SPAG16: variants seen among roughly 807,000 people sequenced by gnomAD.
SPAG16 encodes the protein sperm-associated antigen 16 protein.
A neutral mutation model predicts 80.4 loss-of-function variants in SPAG16; 86 were observed. That is an observed-to-expected ratio of 1.07 (90% CI 0.90 to 1.28). The LOEUF (loss-of-function observed/expected upper bound fraction) is 1.28, where lower values mean the gene tolerates loss of function less well. SPAG16 is among the 50% of genes most tolerant of loss of function. The probability of loss-of-function intolerance (pLI) is 0.00; values close to 1 mark genes in which losing one functional copy is unlikely to be tolerated. For missense variants in SPAG16, 870 were observed against 765.3 expected (o/e 1.14, Z -1.61); for synonymous variants, 294 against 265.9 (o/e 1.11, Z -1.03).
intron 5 of SPAG16, among the ~76,000 whole-genome samples, chr2:213,325,146 A>G (rs1382024396): frequency 6.6e-6 from 1 of 152,062 alleles, no homozygotes; most frequent in Non-Finnish European, 1.5e-5. Context: ...CTTTGTTAGA[A>G]TATTGTGAAT....
intron 7 of SPAG16, among the ~76,000 whole-genome samples, chr2:213,361,475 C>A (rs1377481711): frequency 6.7e-6 from 1 of 150,200 alleles, no homozygotes; most frequent in Non-Finnish European, 1.5e-5. Flanking sequence ...GACACTCCAC[C>A]AGTAATGAAC....
rs2055482910 is a variant in SPAG16 at position 214,143,583 on chromosome 2, C to T, written c.1594-5557C>T. Among the ~76,000 whole-genome samples, 4 of 151,974 alleles carry T rather than the reference C, an allele frequency of 2.6e-5. No homozygotes were observed. In the South Asian group the frequency reaches 8.3e-4, roughly 32 times the overall value. ...CTTATGATCACAAAAACATTTTTTT[C>T]TGAGTTTTAGCTCATTTAAATTTCT... On this transcript the variant is annotated intron_variant, in intron 14 of 15. Transcript: ENST00000331683.
chr2:213,674,544 C>T lies in SPAG16; in HGVS notation c.1070+184454C>T, dbSNP rs947139703. Among the ~76,000 whole-genome samples the T allele has an allele frequency of 4.7e-5, 7 of 149,582 alleles. 1 individual carries two copies. The highest frequency in any genetic ancestry group is 3.3e-4 in the Admixed American group (5 of 15,186). On this transcript the variant is annotated intron_variant, in intron 10 of 15. Transcript: ENST00000331683. ...TGCTATCCCTCCCCCTTTCCCCCAC[C>T]CCACAACAGTCCCCAGAGTGTGATG...
chr2:213,607,720 T>A (rs949446759), intron 10 of SPAG16, among the ~76,000 whole-genome samples: 16 of 152,228 alleles, frequency 1.1e-4, no homozygotes, highest in Non-Finnish European at 1.5e-4. Context: ...TCCACTCATG[T>A]GCATTCTAAA....
chr2:214,148,969 A>T (rs1396366805), intron 14 of SPAG16, among the ~76,000 whole-genome samples, 171 bp from the exon 15 acceptor site: 4 of 151,388 alleles, frequency 2.6e-5, no homozygotes, highest in African/African-American at 7.3e-5. Context: ...AGAGGAATGT[A>T]ATCTTATGGC....
At chr2:213,708,757 G>A (rs1231932198) in intron 10 of SPAG16, among the ~76,000 whole-genome samples, 1 of 152,180 alleles carries the variant, frequency 6.6e-6, no homozygotes, top group Non-Finnish European at 1.5e-5. Flanking sequence ...TTGCACTCCA[G>A]TCTGGGTGAC....
At chr2:213,871,024 T>C (rs539035920) in intron 11 of SPAG16, among the ~76,000 whole-genome samples, 2 of 152,138 alleles carry the variant, frequency 1.3e-5, no homozygotes, top group African/African-American at 4.8e-5. Flanking sequence ...CCAGAAGGTA[T>C]TATGTAATTT....
chr2:214,252,393 C>A (rs913375119), intron 15 of SPAG16, among the ~76,000 whole-genome samples: 4 of 151,628 alleles, frequency 2.6e-5, no homozygotes, highest in Non-Finnish European at 5.9e-5. Context: ...TTTGCTGCAC[C>A]CATCAACCCA....
intron 15 of SPAG16, among the ~76,000 whole-genome samples, chr2:214,352,940 G>C (rs1005325288): frequency 1.3e-5 from 2 of 152,014 alleles, no homozygotes; most frequent in African/African-American, 4.8e-5. Flanking sequence ...CATGTTAATA[G>C]CTCTCTGCTG....
intron 11 of SPAG16, among the ~76,000 whole-genome samples, chr2:213,883,060 G>T (rs1206095775): frequency 6.6e-6 from 1 of 152,066 alleles, no homozygotes; most frequent in African/African-American, 2.4e-5. Flanking sequence ...TAGAGACGGG[G>T]TTTCACCGTG....
chr2:213,600,297 T>A (rs2061018941), intron 10 of SPAG16, among the ~76,000 whole-genome samples: 1 of 152,236 alleles, frequency 6.6e-6, no homozygotes, highest in Non-Finnish European at 1.5e-5. Flanking sequence ...TTATATTCTT[T>A]CTTCCTGAGG....
chr2:213,715,222 G>GTCCA (rs1553615159), intron 10 of SPAG16, among the ~76,000 whole-genome samples: 4 of 110,460 alleles, frequency 3.6e-5, no homozygotes, highest in Non-Finnish European at 8.8e-5. Context: ...AGATCTATCT[G>GTCCA]TCTATCTATC....
chr2:213,544,727 CCA>C (rs752017128), intron 10 of SPAG16, among the ~76,000 whole-genome samples: 2 of 152,060 alleles, frequency 1.3e-5, no homozygotes, highest in Non-Finnish European at 2.9e-5. Context: ...TTCACTGTCT[CCA>C]TACTTTTGTT....
At position 213,347,040 on chromosome 2, in the gene SPAG16, T is replaced by C. The variant is rs1341039947; in HGVS notation, c.645-3488T>C. Among the ~76,000 whole-genome samples, 3 of 152,312 alleles carry C rather than the reference T, an allele frequency of 2.0e-5. No homozygotes were observed. In the East Asian group the frequency reaches 5.8e-4, roughly 29 times the overall value. ...TGGACTTTTTTTGGTTGGTAAGCTATTAATTATTGCCTCAATTTCAGAGCC... is the reference window on the plus strand; with the variant it reads ...TGGACTTTTTTTGGTTGGTAAGCTACTAATTATTGCCTCAATTTCAGAGCC... On this transcript the variant is annotated intron_variant, in intron 6 of 15. Coordinates refer to ENST00000331683, the MANE Select transcript of SPAG16 (RefSeq NM_024532.5).
At chr2:213,940,913 C>A (rs905602427) in intron 12 of SPAG16, among the ~76,000 whole-genome samples, 2 of 152,142 alleles carry the variant, frequency 1.3e-5, no homozygotes, top group African/African-American at 4.8e-5. Flanking sequence ...AGTGATATCG[C>A]TAACAACAAA....
intron 15 of SPAG16, among the ~76,000 whole-genome samples, chr2:214,293,351 G>GTGTC (rs1315901031): frequency 6.6e-6 from 1 of 152,180 alleles, no homozygotes; most frequent in African/African-American, 2.4e-5. Context: ...ATATGGGTTA[G>GTGTC]TGTCTGCAGT....
At chr2:213,712,724 T>TAA (rs991774080) in intron 10 of SPAG16, among the ~76,000 whole-genome samples, 28 of 152,266 alleles carry the variant, frequency 1.8e-4, no homozygotes, top group African/African-American at 6.3e-4. Context: ...ACTGAGAACT[T>TAA]ACTTGAGTCC....
rs562976364 is a variant in SPAG16 at position 213,646,385 on chromosome 2, A to G, written c.1070+156295A>G. Among the ~76,000 whole-genome samples, 6 of 152,330 alleles carry G rather than the reference A, an allele frequency of 3.9e-5. No individual in the cohort carries two copies. In the East Asian group the frequency reaches 7.7e-4, roughly 20 times the overall value. ...TATTATATACAATGAAGAAAGTATT[A>G]TCAACAATATATAAATAAATGCTAA... On this transcript the variant is annotated intron_variant, in intron 10 of 15. Transcript: ENST00000331683.
intron 5 of SPAG16, among the ~76,000 whole-genome samples, chr2:213,331,789 C>T (rs1317544718): frequency 6.6e-6 from 1 of 152,058 alleles, no homozygotes; most frequent in Non-Finnish European, 1.5e-5. Context: ...ACCAGTGGAT[C>T]AGTGAAGGAA....
Sources: gnomAD v4.1 joint callset for allele counts (sites outside exome capture counted in the v4.1 genomes callset) on GRCh38, gnomAD v4.1.1 for gene constraint, MANE v1.5 for transcripts, NCBI Gene and HGNC (gene_info 2026-07-23, HGNC 2026-07-21) for gene names.